PHACTR2: variants seen among roughly 807,000 people sequenced by gnomAD.
PHACTR2 encodes the protein phosphatase and actin regulator 2.
Under a neutral mutation model 76.0 loss-of-function variants are expected in PHACTR2, and 30 were observed. That is an observed-to-expected ratio of 0.39 (90% CI 0.30 to 0.54). The LOEUF (loss-of-function observed/expected upper bound fraction) is 0.54. Ranked by LOEUF, PHACTR2 falls within the 20% of genes least tolerant of loss-of-function variation. The pLI is 0.61. For missense variants in PHACTR2, 696 were observed against 781.1 expected, an observed-to-expected ratio of 0.89 and a Z score of 1.30; for synonymous variants, 292 against 292.5, an observed-to-expected ratio of 1.00 and a Z score of 0.02.
Position 143,708,126 on chromosome 6 carries a change from A to T in PHACTR2, c.47-3890A>T, listed in dbSNP as rs779956945. Among the ~76,000 whole-genome samples, 2 of 152,328 alleles carry T rather than the reference A, an allele frequency of 1.3e-5. No individual in the cohort carries two copies. The highest frequency in any genetic ancestry group is 4.1e-4 in the South Asian group (2 of 4,826). On this transcript the variant is annotated intron_variant, in intron 1 of 12. Transcript: ENST00000440869. The surrounding 1 kb of genome is among the most constrained non-coding windows in gnomAD (Gnocchi z 5.5). ...TACATTTCTAAACCTTATCAATATG[A>T]TAATTATCTAGCCTCATTTATTTTT...
At chr6:143,563,811 C>T in intron 1 of PHACTR2, among the ~76,000 whole-genome samples, 1 of 148,602 alleles carries the variant, frequency 6.7e-6, no homozygotes. Context: ...GCCTGGGCAA[C>T]ATGGTGAAAC....
At chr6:143,615,557 T>G (rs1439248346) in intron 1 of PHACTR2, among the ~76,000 whole-genome samples, 1 of 152,122 alleles carries the variant, frequency 6.6e-6, no homozygotes, top group Non-Finnish European at 1.5e-5. Context: ...ATTCATAAAT[T>G]TATGACAATT....
rs1777762307 is a variant in PHACTR2, at chr6:143,696,016, T to C, written c.47-16000T>C. On this transcript the variant is annotated intron_variant, in intron 1 of 12. Coordinates refer to ENST00000440869, the MANE Select transcript of PHACTR2 (RefSeq NM_001100164.2). The surrounding 1 kb of genome is among the most constrained non-coding windows in gnomAD (Gnocchi z 4.1). ...TGGCCTTTTCTATAAAATAGTTTTATGTTTGTTGGTTTGATTTTTAAAATT... is the reference window on the plus strand; with the variant it reads ...TGGCCTTTTCTATAAAATAGTTTTACGTTTGTTGGTTTGATTTTTAAAATT... Among the ~76,000 whole-genome samples the C allele has an allele frequency of 1.3e-5, 2 of 152,246 alleles. No homozygotes were observed.
intron 1 of PHACTR2, among the ~76,000 whole-genome samples, chr6:143,577,250 C>A (rs1429723815): frequency 6.6e-6 from 1 of 152,106 alleles, no homozygotes. Flanking sequence ...CTGTGCCAGG[C>A]AACAAAAAAG....
At chr6:143,756,417 C>T (rs1038721607) in intron 4 of PHACTR2, among the ~76,000 whole-genome samples, 3 of 152,094 alleles carry the variant, frequency 2.0e-5, no homozygotes, top group Admixed American at 6.6e-5. Context: ...CAGAAAAGGC[C>T]GGGCGCCGTG....
intron 1 of PHACTR2, among the ~76,000 whole-genome samples, chr6:143,650,033 CTT>C (rs1776731209): frequency 6.6e-6 from 1 of 152,120 alleles, no homozygotes; most frequent in Non-Finnish European, 1.5e-5. Context: ...ATTAGCATTC[CTT>C]TACATCAACA....
chr6:143,711,825 G>A, intron 1 of PHACTR2, 191 bp from the exon 2 acceptor site: 1 of 746,988 alleles, frequency 1.3e-6, no homozygotes, highest in Non-Finnish European at 2.5e-6. Flanking sequence ...TTCTAAGTGG[G>A]CTGTAATTTC....
intron 3 of PHACTR2, 131 bp downstream of exon 3, chr6:143,749,196 C>T (rs1043719191): frequency 2.9e-5 from 17 of 594,688 alleles, no homozygotes; most frequent in Non-Finnish European, 4.2e-5. Context: ...TTCCAAGCGC[C>T]GTGCTTCCAT....
At chr6:143,651,451 C>G (rs1776762364) in intron 1 of PHACTR2, among the ~76,000 whole-genome samples, 1 of 152,034 alleles carries the variant, frequency 6.6e-6, no homozygotes, top group African/African-American at 2.4e-5. Flanking sequence ...AAATGCCCAT[C>G]AATGATAGAC....
intron 9 of PHACTR2, among the ~76,000 whole-genome samples, chr6:143,779,105 A>T (rs758157537): frequency 2.6e-5 from 4 of 152,048 alleles, no homozygotes; most frequent in Non-Finnish European, 2.9e-5. Flanking sequence ...TTCCTGACCC[A>T]CTATTGTACA....
rs1279442314 is a variant in PHACTR2, at chr6:143,789,951, G to A, written c.1845+1041G>A. ...CACTCCAGGGATGTTTTAGGAAGAA[G>A]CAGCAGAAGAATATTGAGAAGAAAT... On this transcript the variant is annotated intron_variant, in intron 11 of 12. Transcript: ENST00000440869. This position sits in a 1 kb window ranked among gnomAD's most constrained non-coding sequence, Gnocchi z 5.1. Among the ~76,000 whole-genome samples, 1 of 152,208 alleles carries A rather than the reference G, an allele frequency of 6.6e-6. No individual in the cohort carries two copies. Among genetic ancestry groups the A allele is most frequent in the East Asian group, 1.9e-4 (1 of 5,194 alleles).
intron 1 of PHACTR2, among the ~76,000 whole-genome samples, chr6:143,552,397 T>C (rs1775106940): frequency 6.6e-6 from 1 of 151,292 alleles, no homozygotes; most frequent in Non-Finnish European, 1.5e-5. Context: ...GGAGTAGGAG[T>C]TGAAGGGAAG....
intron 11 of PHACTR2, among the ~76,000 whole-genome samples, chr6:143,790,042 G>A (rs1775642966): frequency 6.6e-6 from 1 of 152,152 alleles, no homozygotes; most frequent in African/African-American, 2.4e-5. Context: ...TGTCAGGGAG[G>A]ACGGACGGCC....
Position 143,824,096 on chromosome 6 carries a change from AAAGAGAAATATTT to A in PHACTR2, c.*408_*420del, listed in dbSNP as rs1467356538. Reference sequence around the variant, plus strand: ...GGGGTGGGAGTTGGAAATCAGAAAGAAAGAGAAATATTTCATTATGTTAATGAAGAAAAGAGAA... The same window carrying A: ...GGGGTGGGAGTTGGAAATCAGAAAGACATTATGTTAATGAAGAAAAGAGAA... On this transcript the variant is annotated 3_prime_UTR_variant, in exon 13 of 13. Coordinates refer to ENST00000440869, the MANE Select transcript of PHACTR2 (RefSeq NM_001100164.2). This position sits in a 1 kb window ranked among gnomAD's most constrained non-coding sequence, Gnocchi z 6.3. 1 of 161,100 alleles carries A rather than the reference AAAGAGAAATATTT, an allele frequency of 6.2e-6. No individual in the cohort carries two copies. Among genetic ancestry groups the A allele is most frequent in the Non-Finnish European group, 1.4e-5 (1 of 73,866 alleles). The allele number at this position is 161,100 out of a possible 1,614,324, so 10.0% of individuals were successfully genotyped here.
chr6:143,685,737 A>C (rs1478504493), intron 1 of PHACTR2, among the ~76,000 whole-genome samples: 1 of 152,148 alleles, frequency 6.6e-6, no homozygotes, highest in Non-Finnish European at 1.5e-5. Context: ...GAGTTTAGCA[A>C]AGATTAAAAT....
rs374713965 is a variant in PHACTR2 at position 143,792,555 on chromosome 6, T to C, written c.1845+3645T>C. ...GCAGCTATTTTATATCTTACAGATT[T>C]TGTAGGTTGGGGATTTAGTCAGGGC... On this transcript the variant is annotated intron_variant, in intron 11 of 12. Coordinates refer to ENST00000440869, the MANE Select transcript of PHACTR2 (RefSeq NM_001100164.2). Among the ~76,000 whole-genome samples the C allele has an allele frequency of 1.3e-5, 2 of 152,276 alleles. 1 individual carries two copies.
intron 1 of PHACTR2, among the ~76,000 whole-genome samples, chr6:143,584,178 A>G (rs1775600863): frequency 6.6e-6 from 1 of 152,186 alleles, no homozygotes; most frequent in Non-Finnish European, 1.5e-5. Context: ...GCATCATGCT[A>G]AAGATGTTAA....
At position 143,625,351 on chromosome 6, in the gene PHACTR2, C is replaced by G. The variant is rs2128440878; in HGVS notation, c.13+17029C>G. 6.6e-6 allele frequency among the ~76,000 whole-genome samples: 1 copy of G among 152,076 alleles called. No homozygotes were observed. Among genetic ancestry groups the G allele is most frequent in the African/African-American group, 2.4e-5 (1 of 41,474 alleles). On this transcript the variant is annotated intron_variant, in intron 1 of 11. Coordinates refer to the PHACTR2 transcript ENST00000305766. The surrounding 1 kb of genome is among the most constrained non-coding windows in gnomAD (Gnocchi z 4.3). The stretch of plus-strand genomic sequence containing the variant: ...TTCAGAATTTAAACTATATCACTAC[C>G]TGTACAGTTTATTCAAAAAATAAAT...
At chr6:143,749,172 C>G (rs562261809) in intron 3 of PHACTR2, 107 bp downstream of exon 3, 4 of 641,120 alleles carry the variant, frequency 6.2e-6, no homozygotes, top group Non-Finnish European at 1.1e-5. Context: ...TAAGGTAAAG[C>G]GGTGATTACT....
Sources: allele counts gnomAD v4.1 joint callset (sites outside exome capture counted in the v4.1 genomes callset), GRCh38; gene constraint gnomAD v4.1.1; non-coding constraint Gnocchi (gnomAD v3.1); transcripts MANE v1.5; gene names NCBI Gene and HGNC (gene_info 2026-07-23, HGNC 2026-07-21).